MKLN1: variants seen among roughly 807,000 people sequenced by gnomAD.
MKLN1 encodes the protein muskelin 1.
A neutral mutation model predicts 99.0 loss-of-function variants in MKLN1; 18 were observed. The ratio of observed to expected loss-of-function variants is 0.18; its 90% CI spans 0.13 to 0.27. The LOEUF (loss-of-function observed/expected upper bound fraction) is 0.27. MKLN1 is among the 10% of genes least tolerant of loss of function. The pLI is 1.00. For missense variants in MKLN1, 621 were observed against 875.9 expected (o/e 0.71, Z 3.67); for synonymous variants, 288 against 293.2 (o/e 0.98, Z 0.18).
At chr7:131,182,088 C>T (rs944947135) in intron 2 of MKLN1, among the ~76,000 whole-genome samples, 15 of 152,122 alleles carry the variant, frequency 9.9e-5, no homozygotes, top group Admixed American at 1.3e-4. Context: ...GAGCCGAGAT[C>T]GCACCACTGC....
At chr7:131,204,648 G>A (rs955967827) in intron 3 of MKLN1, among the ~76,000 whole-genome samples, 2 of 151,586 alleles carry the variant, frequency 1.3e-5, no homozygotes, top group Admixed American at 6.6e-5. Flanking sequence ...TGGCCAACAT[G>A]GTGGAACCCC....
At chr7:131,328,178 G>T (rs188963) in intron 1 of MKLN1, 181 bp downstream of exon 1, 2 of 760,328 alleles carry the variant, frequency 2.6e-6, no homozygotes, top group South Asian at 1.9e-5. Flanking sequence ...TCGGGAAGGG[G>T]TTAGGGTCCG....
chr7:131,174,477 T>C (rs948823776), intron 2 of MKLN1, among the ~76,000 whole-genome samples: 1 of 152,162 alleles, frequency 6.6e-6, no homozygotes, highest in Non-Finnish European at 1.5e-5. Context: ...CCTGATTTCA[T>C]ATGTTGCATT....
upstream of MKLN1, among the ~76,000 whole-genome samples, chr7:131,325,408 C>T (rs745586212): frequency 2.0e-5 from 3 of 151,950 alleles, no homozygotes; most frequent in Admixed American, 6.6e-5. Flanking sequence ...GAAAGATTTT[C>T]GGCCAGACGC....
At chr7:131,252,670 G>A (rs1797600973) in intron 3 of MKLN1, among the ~76,000 whole-genome samples, 1 of 152,094 alleles carries the variant, frequency 6.6e-6, no homozygotes, top group Admixed American at 6.6e-5. Flanking sequence ...TGGGAACTGG[G>A]GCTCAGAAGA....
At chr7:131,455,099 C>G (rs1048143818) in intron 12 of MKLN1, among the ~76,000 whole-genome samples, 1 of 152,192 alleles carries the variant, frequency 6.6e-6, no homozygotes, top group Non-Finnish European at 1.5e-5. Flanking sequence ...TGTGACAGCT[C>G]TGAAAACTGT....
intron 3 of MKLN1, among the ~76,000 whole-genome samples, chr7:131,276,716 T>C (rs1408709801): frequency 6.6e-6 from 1 of 152,206 alleles, no homozygotes; most frequent in Non-Finnish European, 1.5e-5. Flanking sequence ...CTGTTGTTGT[T>C]GTAAGCCACT....
At position 131,487,482 on chromosome 7, in the gene MKLN1, T is replaced by G; in HGVS notation, c.2087-125T>G. ...AGTAGAACTGGGGTCAGATCAGTAG[T>G]GTCTGCCTGGTTTTGAAGCCTGATT... On this transcript the variant is annotated intron_variant, in intron 17 of 17. Coordinates refer to ENST00000352689, the MANE Select transcript of MKLN1 (RefSeq NM_013255.5). This position sits in a 1 kb window ranked among gnomAD's most constrained non-coding sequence, Gnocchi z 4.7. 2.0e-6 allele frequency: 2 copies of G among 1,023,552 alleles called. No individual in the cohort carries two copies. Among genetic ancestry groups the G allele is most frequent in the Non-Finnish European group, 2.8e-6 (2 of 706,000 alleles). The allele number at this position is 1,023,552 out of a possible 1,614,324, so 63.4% of individuals were successfully genotyped here.
chr7:131,181,019 C>T (rs1796370855), intron 2 of MKLN1, among the ~76,000 whole-genome samples: 1 of 152,182 alleles, frequency 6.6e-6, no homozygotes, highest in African/African-American at 2.4e-5. Flanking sequence ...TACATGTCTG[C>T]CACTCACCAT....
chr7:131,121,962 A>ACG (rs1301738307), intron 1 of MKLN1, among the ~76,000 whole-genome samples: 1 of 152,260 alleles, frequency 6.6e-6, no homozygotes, highest in African/African-American at 2.4e-5. Flanking sequence ...CCAGGAGACT[A>ACG]CGGGGCCAAG....
At chr7:131,383,502 A>G (rs915561424) in intron 2 of MKLN1, among the ~76,000 whole-genome samples, 1 of 152,186 alleles carries the variant, frequency 6.6e-6, no homozygotes, top group Non-Finnish European at 1.5e-5. Context: ...GCAGCTACCA[A>G]TGGAAAAGCT....
intron 12 of MKLN1, among the ~76,000 whole-genome samples, chr7:131,453,932 A>G (rs1796259005): frequency 6.6e-6 from 1 of 152,160 alleles, no homozygotes; most frequent in Admixed American, 6.5e-5. Context: ...CAGTAAATTT[A>G]CACATGTACA....
chr7:131,176,392 A>C (rs76552089), intron 2 of MKLN1, among the ~76,000 whole-genome samples: 2,519 of 152,284 alleles, frequency 0.017, 77 homozygotes, highest in African/African-American at 0.058. Context: ...TTTTTAACCA[A>C]CAGCTAAATT....
At chr7:131,223,134 T>C (rs1247177148) in intron 3 of MKLN1, among the ~76,000 whole-genome samples, 1 of 152,200 alleles carries the variant, frequency 6.6e-6, no homozygotes, top group Non-Finnish European at 1.5e-5. Context: ...GGATACTACT[T>C]TGGGATCTGT....
intron 2 of MKLN1, among the ~76,000 whole-genome samples, chr7:131,179,905 T>G (rs1194282422): frequency 6.6e-6 from 1 of 152,018 alleles, no homozygotes; most frequent in African/African-American, 2.4e-5. Context: ...TATTTTTTAT[T>G]TTTTAGAGAC....
intron 3 of MKLN1, among the ~76,000 whole-genome samples, chr7:131,216,042 C>A (rs1163547536): frequency 6.6e-6 from 1 of 152,148 alleles, no homozygotes; most frequent in Non-Finnish European, 1.5e-5. Context: ...CTTTTCAGAC[C>A]TGGAACCGAA....
At chr7:131,392,250 T>G (rs2116896506) in intron 4 of MKLN1, among the ~76,000 whole-genome samples, 1 of 152,038 alleles carries the variant, frequency 6.6e-6, no homozygotes, top group South Asian at 2.1e-4. Flanking sequence ...TTTTGGTAAA[T>G]GGAGAGATGT....
At chr7:131,291,104 TA>T (rs1798209134) in intron 3 of MKLN1, among the ~76,000 whole-genome samples, 2 of 102,230 alleles carry the variant, frequency 2.0e-5, no homozygotes, top group Admixed American at 9.3e-5. Context: ...CATTTTATTT[TA>T]TTTATTTATT....
intron 8 of MKLN1, among the ~76,000 whole-genome samples, chr7:131,427,059 A>G (rs1024414106): frequency 6.6e-6 from 1 of 152,172 alleles, no homozygotes; most frequent in African/African-American, 2.4e-5. Flanking sequence ...AGTTTTGCAG[A>G]TGAAAAAAAC....
Sources: gnomAD v4.1 joint callset for allele counts (sites outside exome capture counted in the v4.1 genomes callset) on GRCh38, gnomAD v4.1.1 for gene constraint, Gnocchi (gnomAD v3.1) non-coding constraint, MANE v1.5 for transcripts, NCBI Gene and HGNC (gene_info 2026-07-23, HGNC 2026-07-21) for gene names.